Variants in SORT1 observed in about 807,000 individuals in gnomAD.
SORT1 encodes sortilin.
Under a neutral mutation model 101.7 loss-of-function variants are expected in SORT1, and 39 were observed. The ratio of observed to expected loss-of-function variants is 0.38; its 90% CI spans 0.30 to 0.50. The LOEUF is 0.50. Among genes scored for constraint, SORT1 ranks in the 20% least tolerant of loss-of-function variants. SORT1 has a pLI of 0.90. For missense variants in SORT1, 878 were observed against 1,040.4 expected (o/e 0.84, Z 2.15); for synonymous variants, 396 against 393.7 (o/e 1.01, Z -0.07).
intron 15 of SORT1, among the ~76,000 whole-genome samples, chr1:109,318,779 AGG>A (rs1172939534): frequency 2.5e-4 from 38 of 152,232 alleles, no homozygotes; most frequent in Non-Finnish European, 5.9e-5. Flanking sequence ...CAGCCTCCCA[AGG>A]AGCTGGAACC....
intron 7 of SORT1, among the ~76,000 whole-genome samples, chr1:109,347,002 G>A (rs1264713915): frequency 1.3e-5 from 2 of 152,136 alleles, no homozygotes; most frequent in Non-Finnish European, 2.9e-5. Flanking sequence ...CTGAATTTAC[G>A]TTCCATGAGG....
intron 5 of SORT1, among the ~76,000 whole-genome samples, chr1:109,353,328 C>CAAAAAAAAAAAAAAAAA (rs1228771965): frequency 1.6e-5 from 1 of 61,054 alleles, no homozygotes; most frequent in African/African-American, 7.0e-5. Flanking sequence ...AACTCTGTCT[C>CAAAAAAAAAAAAAAAAA]AAAAAAAAAA....
chr1:109,340,612 G>A, intron 10 of SORT1, 112 bp downstream of exon 10: 2 of 1,067,976 alleles, frequency 1.9e-6, no homozygotes, highest in Non-Finnish European at 2.8e-6. Flanking sequence ...ATGTACATGG[G>A]TAGGCTTGTT....
chr1:109,385,620 G>A (rs765898582), intron 1 of SORT1, among the ~76,000 whole-genome samples: 1 of 152,268 alleles, frequency 6.6e-6, no homozygotes, highest in Admixed American at 6.5e-5. Context: ...TTGGGTGTGG[G>A]CGCTAACCCC....
intron 7 of SORT1, among the ~76,000 whole-genome samples, chr1:109,346,589 C>G (rs1263554160): frequency 6.6e-6 from 1 of 151,132 alleles, no homozygotes; most frequent in Non-Finnish European, 1.5e-5. Flanking sequence ...ACTAAAAATA[C>G]AAAAAATTAG....
At chr1:109,330,897 T>C (rs1375502678) in intron 11 of SORT1, among the ~76,000 whole-genome samples, 2 of 152,128 alleles carry the variant, frequency 1.3e-5, no homozygotes, top group Non-Finnish European at 2.9e-5. Context: ...CATATACAGC[T>C]TACCAAGACT....
chr1:109,379,122 G>A (rs1057217861), intron 1 of SORT1, among the ~76,000 whole-genome samples: 4 of 150,774 alleles, frequency 2.7e-5, no homozygotes, highest in African/African-American at 9.7e-5. Flanking sequence ...CAGCCTGGGT[G>A]ACAAAGTGAA....
chr1:109,378,055 A>AC (rs529302521), intron 1 of SORT1, among the ~76,000 whole-genome samples: 201 of 151,922 alleles, frequency 1.3e-3, no homozygotes, highest in African/African-American at 4.4e-3. Context: ...ATATAGTGAG[A>AC]CCCCGCCCCC....
intron 14 of SORT1, among the ~76,000 whole-genome samples, chr1:109,323,977 C>T (rs1245467449): frequency 6.6e-6 from 1 of 152,222 alleles, no homozygotes; most frequent in Non-Finnish European, 1.5e-5. Context: ...TCTGCTCCTT[C>T]AGGAGTCACT....
At chr1:109,395,877 C>A (rs977469821) in intron 1 of SORT1, among the ~76,000 whole-genome samples, 8 of 151,926 alleles carry the variant, frequency 5.3e-5, no homozygotes, top group African/African-American at 2.4e-5. Context: ...GAGTTCAAGA[C>A]CAGCCTGGGG....
At chr1:109,340,950 C>G in intron 9 of SORT1, 71 bp from the exon 10 acceptor site, 1 of 1,265,348 alleles carries the variant, frequency 7.9e-7, no homozygotes, top group South Asian at 1.4e-5. Flanking sequence ...AGTCTAACCA[C>G]ACACGATTAC....
In SORT1 at chr1:109,316,833, G is replaced by C; in HGVS notation, c.2250+17C>G. On this transcript the variant is annotated intron_variant, in intron 17 of 19. Transcript: ENST00000256637. ...AAATCCCATTTGTACCTGAAAACTA[G>C]ACCTATTTTAACATACCTGTTTTTC... The C allele has an allele frequency of 6.8e-7, 1 of 1,462,792 alleles. No homozygotes were observed. Among genetic ancestry groups the C allele is most frequent in the Non-Finnish European group, 9.5e-7 (1 of 1,051,912 alleles). 90.6% of individuals were successfully genotyped at this position (1,462,792 alleles called of 1,614,324 possible).
chr1:109,337,411 T>A (rs1367906359), intron 10 of SORT1, among the ~76,000 whole-genome samples: 10 of 151,638 alleles, frequency 6.6e-5, no homozygotes, highest in Admixed American at 3.9e-4. Context: ...CTGGCTAATG[T>A]TTGGTATTTT....
At chr1:109,315,423 C>G (rs563712770) in intron 17 of SORT1, among the ~76,000 whole-genome samples, 1 of 152,172 alleles carries the variant, frequency 6.6e-6, no homozygotes, top group South Asian at 2.1e-4. Flanking sequence ...CACGAACACT[C>G]TGAGGAGAGT....
chr1:109,336,303 C>T lies in SORT1; in HGVS notation c.1308G>A (p.Arg436=), dbSNP rs1450646603. The part of the protein sequence containing the change: ...QTMITFDQGG[R]WTHLRKPENS... Reference sequence around the variant, plus strand: ...TTTCAGGCTTCCTCAGGTGCGTCCACCTTCCTCCTTGGTCAAAAGTGATCA... The same window carrying T: ...TTTCAGGCTTCCTCAGGTGCGTCCATCTTCCTCCTTGGTCAAAAGTGATCA... Residue 436 remains arginine, a synonymous_variant, in exon 11 of 20, where the codon AGG becomes AGA. Coordinates refer to ENST00000256637, the MANE Select transcript of SORT1 (RefSeq NM_002959.7). The T allele has an allele frequency of 6.2e-7, 1 of 1,613,686 alleles. No homozygotes were observed.
At chr1:109,320,638 C>T (rs1018834292) in intron 15 of SORT1, among the ~76,000 whole-genome samples, 3 of 152,222 alleles carry the variant, frequency 2.0e-5, no homozygotes, top group Admixed American at 1.3e-4. Flanking sequence ...CCTTCTTTGA[C>T]CCACTTCCTT....
intron 1 of SORT1, among the ~76,000 whole-genome samples, chr1:109,378,701 T>TAC (rs1652016874): frequency 9.9e-4 from 1 of 1,014 alleles, no homozygotes; most frequent in African/African-American, 1.3e-3. Context: ...GAGTGAATGA[T>TAC]ATATATATAT....
intron 11 of SORT1, among the ~76,000 whole-genome samples, chr1:109,329,391 C>T (rs1648299077): frequency 6.6e-6 from 1 of 152,016 alleles, no homozygotes; most frequent in Admixed American, 6.6e-5. Context: ...GTAGCTGGGA[C>T]TACAGGCGCC....
intron 1 of SORT1, among the ~76,000 whole-genome samples, chr1:109,371,577 T>G (rs1374959350): frequency 2.0e-5 from 3 of 152,228 alleles, no homozygotes; most frequent in Non-Finnish European, 4.4e-5. Flanking sequence ...CAATCAGGAC[T>G]GCAACTTTTA....
Sources: allele counts gnomAD v4.1 joint callset (sites outside exome capture counted in the v4.1 genomes callset), GRCh38; gene constraint gnomAD v4.1.1; transcripts MANE v1.5; gene names NCBI Gene and HGNC (gene_info 2026-07-23, HGNC 2026-07-21).